LIMA1: variants seen among roughly 807,000 people sequenced by gnomAD.
The protein encoded by LIMA1 is LIM domain and actin-binding protein 1.
A neutral mutation model predicts 62.6 loss-of-function variants in LIMA1; 52 were observed. The observed-to-expected ratio is 0.83, with a 90% CI of 0.67 to 1.05. LIMA1 has a LOEUF of 1.05. Ranked by LOEUF, LIMA1 falls within the 50% of genes least tolerant of loss-of-function variation. The probability of loss-of-function intolerance (pLI) is 0.00; values close to 1 mark genes in which losing one functional copy is unlikely to be tolerated. For synonymous variants in LIMA1, 302 were observed against 317.8 expected (o/e 0.95, Z 0.53); for missense variants, 780 against 902.2 (o/e 0.86, Z 1.74).
rs1565833576 is a variant in LIMA1, at chr12:50,193,672, T to TA, written c.1031-1112_1031-1111insT. On this transcript the variant is annotated intron_variant, in intron 8 of 10. Coordinates refer to ENST00000341247, the MANE Select transcript of LIMA1 (RefSeq NM_016357.5). Reference sequence around the variant, plus strand: ...TGTGTATATATATATATATATTTTTTTTTTTTTTTTTTTTCAGAGTCTCAC... The same window carrying TA: ...TGTGTATATATATATATATATTTTTTATTTTTTTTTTTTTTCAGAGTCTCAC... Among the ~76,000 whole-genome samples the TA allele has an allele frequency of 6.8e-3, 832 of 122,998 alleles. 19 individuals are homozygous for TA. The highest frequency in any genetic ancestry group is 0.026 in the African/African-American group (781 of 29,570). The allele number at this position is 122,998 out of a possible 152,430, so 80.7% of individuals were successfully genotyped here.
chr12:50,214,683 GT>G (rs994448500), intron 4 of LIMA1, among the ~76,000 whole-genome samples: 4 of 152,214 alleles, frequency 2.6e-5, no homozygotes, highest in Non-Finnish European at 4.4e-5. Flanking sequence ...GCATGCGCCT[GT>G]AATCTCAGCC....
intron 3 of LIMA1, among the ~76,000 whole-genome samples, chr12:50,231,117 A>G (rs78985375): frequency 6.6e-6 from 1 of 152,306 alleles, no homozygotes; most frequent in East Asian, 1.9e-4. Context: ...AAAGACATGT[A>G]TTATTCAGCC....
rs1941037460 is a variant in LIMA1, at chr12:50,200,970, A to T, written c.865-86T>A. The T allele has an allele frequency of 1.5e-5, 23 of 1,530,688 alleles. No homozygotes were observed. In the South Asian group the frequency reaches 2.8e-4, roughly 19 times the overall value. 94.8% of individuals were successfully genotyped at this position (1,530,688 alleles called of 1,614,324 possible). ...AGCACATCTATTAGATAAACTTGGA[A>T]TGTTAAAAAATTCTTCTAAGAAGCC... is the stretch of plus-strand genomic sequence containing the variant. On this transcript the variant is annotated intron_variant, in intron 6 of 10. Transcript: ENST00000341247.
intron 2 of LIMA1, among the ~76,000 whole-genome samples, chr12:50,236,942 G>T (rs1366131438): frequency 1.3e-5 from 2 of 152,088 alleles, no homozygotes; most frequent in African/African-American, 4.8e-5. Flanking sequence ...AACAAAAAAG[G>T]CTAATATGGG....
chr12:50,205,881 T>C, intron 5 of LIMA1, 103 bp downstream of exon 5: 1 of 686,248 alleles, frequency 1.5e-6, no homozygotes, highest in Non-Finnish European at 2.4e-6. Context: ...TCCTTTTAAT[T>C]TGTGCCACTC....
chr12:50,229,226 T>C (rs939446923), intron 3 of LIMA1, among the ~76,000 whole-genome samples: 7 of 152,148 alleles, frequency 4.6e-5, no homozygotes, highest in Non-Finnish European at 1.0e-4. Context: ...ATTTAAAAAA[T>C]AGAGATACAG....
chr12:50,272,318 G>A (rs759035310), intron 1 of LIMA1, among the ~76,000 whole-genome samples: 1 of 152,026 alleles, frequency 6.6e-6, no homozygotes, highest in Non-Finnish European at 1.5e-5. Flanking sequence ...GGCCGGGCAC[G>A]GTGGCTCATT....
intron 2 of LIMA1, chr12:50,234,166 T>A (rs763078568): frequency 2.6e-5 from 12 of 454,158 alleles, no homozygotes; most frequent in South Asian, 2.0e-4. Context: ...TCCGGAGATT[T>A]GTGCAGGTAC....
At chr12:50,240,275 G>A (rs1368759375) in intron 2 of LIMA1, among the ~76,000 whole-genome samples, 2 of 152,110 alleles carry the variant, frequency 1.3e-5, no homozygotes, top group Non-Finnish European at 2.9e-5. Context: ...ACTGAGAGGG[G>A]AAAGGGCAGG....
At chr12:50,201,473 C>A in intron 6 of LIMA1, 2 of 981,026 alleles carry the variant, frequency 2.0e-6, no homozygotes, top group Non-Finnish European at 2.4e-6. Flanking sequence ...ATTTATTTTA[C>A]TTCTCAAAAC....
chr12:50,222,589 C>T, intron 3 of LIMA1, 104 bp from the exon 4 acceptor site: 6 of 1,559,834 alleles, frequency 3.8e-6, no homozygotes, highest in Non-Finnish European at 5.2e-6. Context: ...TGCTCCTGGT[C>T]CACTGCTGTT....
In LIMA1 at chr12:50,179,719, G is replaced by A. The variant is rs1460496963; in HGVS notation, c.1275-1650C>T. On this transcript the variant is annotated intron_variant, in intron 10 of 10. Coordinates refer to ENST00000341247, the MANE Select transcript of LIMA1 (RefSeq NM_016357.5). ...CCCAAAGTGCTGGGATTACAGGCAT[G>A]AGCAACTGCACCCAGCCATTTTTTG... Among the ~76,000 whole-genome samples, 8 of 149,302 alleles carry A rather than the reference G, an allele frequency of 5.4e-5. No individual in the cohort carries two copies. The East Asian group carries it at 1.4e-3, about 26-fold the overall frequency.
chr12:50,270,451 A>G (rs1158294435), intron 1 of LIMA1, among the ~76,000 whole-genome samples: 1 of 150,602 alleles, frequency 6.6e-6, no homozygotes, highest in Non-Finnish European at 1.5e-5. Flanking sequence ...GTACAAACAA[A>G]TAAGTTAGCC....
chr12:50,179,567 A>G (rs1940445396), intron 10 of LIMA1, among the ~76,000 whole-genome samples: 1 of 148,002 alleles, frequency 6.8e-6, no homozygotes, highest in African/African-American at 2.5e-5. Flanking sequence ...CCTCCCGAGT[A>G]GCTGGGACTA....
chr12:50,188,615 T>G (rs746627263), intron 9 of LIMA1: 1 of 152,198 alleles, frequency 6.6e-6, no homozygotes, highest in Non-Finnish European at 1.5e-5. Context: ...GAGTGACCAG[T>G]GCCAAAGGAG....
At chr12:50,221,983 A>G (rs747109672) in intron 4 of LIMA1, 38 bp downstream of exon 4, 2 of 1,548,550 alleles carry the variant, frequency 1.3e-6, no homozygotes, top group East Asian at 4.5e-5. Context: ...TAGTGCTTGA[A>G]TTGGCTTTCT....
chr12:50,277,475 C>G (rs1329842940), intron 1 of LIMA1, among the ~76,000 whole-genome samples: 1 of 152,130 alleles, frequency 6.6e-6, no homozygotes, highest in African/African-American at 2.4e-5. Flanking sequence ...CCAAAGGCAT[C>G]CTTTCAGCAC....
intron 9 of LIMA1, chr12:50,185,452 G>C (rs1351971840): frequency 2.2e-6 from 1 of 456,204 alleles, no homozygotes; most frequent in Non-Finnish European, 4.4e-6. Context: ...GCAGAAGCTG[G>C]AAGAGACAAA....
At chr12:50,234,439 C>G (rs769439345) in intron 2 of LIMA1, among the ~76,000 whole-genome samples, 1 of 151,998 alleles carries the variant, frequency 6.6e-6, no homozygotes, top group Non-Finnish European at 1.5e-5. Context: ...GAACTCCTGG[C>G]CTCAAGAGAT....
Sources: allele counts gnomAD v4.1 joint callset (sites outside exome capture counted in the v4.1 genomes callset), GRCh38; gene constraint gnomAD v4.1.1; transcripts MANE v1.5; gene names NCBI Gene and HGNC (gene_info 2026-07-23, HGNC 2026-07-21).